PARD3: variants seen among roughly 807,000 people sequenced by gnomAD.
PARD3 encodes par-3 family cell polarity regulator, also known as partitioning defective 3 homolog.
Under a neutral mutation model 155.4 loss-of-function variants are expected in PARD3, and 75 were observed. The ratio of observed to expected loss-of-function variants is 0.48; its 90% CI spans 0.40 to 0.58. The LOEUF is 0.58. Among genes scored for constraint, PARD3 ranks in the 20% least tolerant of loss-of-function variants. The pLI is 0.00. For synonymous variants in PARD3, 576 were observed against 610.5 expected (o/e 0.94, Z 0.83); for missense variants, 1,642 against 1,721.7 (o/e 0.95, Z 0.82).
chr10:34,174,302 G>T (rs1157930501), intron 22 of PARD3, among the ~76,000 whole-genome samples: 1 of 152,166 alleles, frequency 6.6e-6, no homozygotes, highest in South Asian at 2.1e-4. Flanking sequence ...TGAGAAGAGT[G>T]CAAGTGTTTT....
At chr10:34,613,769 C>T (rs2091069050) in intron 2 of PARD3, among the ~76,000 whole-genome samples, 1 of 152,192 alleles carries the variant, frequency 6.6e-6, no homozygotes, top group African/African-American at 2.4e-5. Flanking sequence ...CGGAGATCAG[C>T]TTCCAAGATT....
intron 2 of PARD3, among the ~76,000 whole-genome samples, chr10:34,617,510 T>C (rs1352396005): frequency 6.6e-6 from 1 of 152,112 alleles, no homozygotes; most frequent in East Asian, 1.9e-4. Context: ...AAATGAAAAA[T>C]GTTTGAAGTG....
intron 21 of PARD3, among the ~76,000 whole-genome samples, chr10:34,272,966 C>T (rs1031783681): frequency 2.0e-5 from 3 of 152,112 alleles, no homozygotes; most frequent in African/African-American, 4.8e-5. Context: ...AGTGACAATA[C>T]CAAATGCAGC....
intron 1 of PARD3, among the ~76,000 whole-genome samples, chr10:34,779,364 C>T (rs1252450432): frequency 1.3e-5 from 2 of 151,522 alleles, no homozygotes; most frequent in African/African-American, 4.9e-5. Context: ...AATCCCAGCA[C>T]TTTGGGAGGC....
chr10:34,621,679 C>T (rs1458054497), intron 2 of PARD3, among the ~76,000 whole-genome samples: 1 of 152,210 alleles, frequency 6.6e-6, no homozygotes, highest in East Asian at 1.9e-4. Context: ...ACACACTACA[C>T]TTTCTAAAGG....
At chr10:34,142,321 T>C (rs888639033) in intron 22 of PARD3, among the ~76,000 whole-genome samples, 5 of 151,850 alleles carry the variant, frequency 3.3e-5, no homozygotes, top group African/African-American at 1.2e-4. Context: ...GATGGGAGCA[T>C]CGCTTTAGCT....
At chr10:34,273,289 C>T (rs1564538081) in intron 21 of PARD3, among the ~76,000 whole-genome samples, 2 of 152,078 alleles carry the variant, frequency 1.3e-5, no homozygotes, top group African/African-American at 4.8e-5. Flanking sequence ...GTGTCCATAT[C>T]ACAGAACATT....
intron 5 of PARD3, among the ~76,000 whole-genome samples, chr10:34,402,610 C>CTT (rs1844013175): frequency 6.6e-6 from 1 of 152,124 alleles, no homozygotes; most frequent in Non-Finnish European, 1.5e-5. Context: ...AAAGGACAAG[C>CTT]TAAAGTAACA....
At chr10:34,545,496 C>CA (rs1424307701) in intron 2 of PARD3, among the ~76,000 whole-genome samples, 1 of 151,812 alleles carries the variant, frequency 6.6e-6, no homozygotes, top group Non-Finnish European at 1.5e-5. Context: ...AACTGCCTTA[C>CA]AAAAAAATCA....
chr10:34,690,015 C>G (rs1405181185), intron 2 of PARD3, among the ~76,000 whole-genome samples: 1 of 152,158 alleles, frequency 6.6e-6, no homozygotes, highest in Non-Finnish European at 1.5e-5. Flanking sequence ...GCGATCTCAG[C>G]TCACTGCAAC....
intron 21 of PARD3, among the ~76,000 whole-genome samples, chr10:34,281,516 C>G (rs1020524411): frequency 6.6e-6 from 1 of 152,096 alleles, no homozygotes; most frequent in African/African-American, 2.4e-5. Context: ...AGTGATCTTC[C>G]TAGTCCATTT....
chr10:34,151,381 G>GA (rs1168411222), intron 22 of PARD3, among the ~76,000 whole-genome samples: 5 of 152,082 alleles, frequency 3.3e-5, no homozygotes, highest in Admixed American at 1.3e-4. Context: ...TCGATGTTTG[G>GA]AAAATCAAGA....
intron 1 of PARD3, among the ~76,000 whole-genome samples, chr10:34,773,476 A>T (rs4600153): frequency 0.62 from 94,222 of 152,014 alleles, 30,445 homozygotes; most frequent in Non-Finnish European, 0.72. Context: ...TAGGGATAAC[A>T]AGTATTACAG....
At chr10:34,283,950 A>G (rs1956268611) in intron 21 of PARD3, among the ~76,000 whole-genome samples, 185 bp downstream of exon 21, 1 of 151,492 alleles carries the variant, frequency 6.6e-6, no homozygotes. Context: ...ACAAATACAT[A>G]TAAGGTTTTT....
At chr10:34,276,708 A>C (rs1259691845) in intron 21 of PARD3, among the ~76,000 whole-genome samples, 1 of 152,122 alleles carries the variant, frequency 6.6e-6, no homozygotes, top group African/African-American at 2.4e-5. Flanking sequence ...GGTGTCCTTA[A>C]ACCTCTCAGT....
In PARD3 at chr10:34,211,318, C is replaced by T. The variant is rs530292206; in HGVS notation, c.3419+58339G>A. ...AGCCCTGGTAGGCCCTTGCCTCTGC[C>T]AAGTCACCTCCTACAAAGTGTGTGT... On this transcript the variant is annotated intron_variant, in intron 22 of 24. Transcript: ENST00000374788. Among the ~76,000 whole-genome samples, 9 of 152,306 alleles carry T rather than the reference C, an allele frequency of 5.9e-5. No homozygotes were observed. The South Asian group carries it at 1.7e-3, about 28-fold the overall frequency.
At chr10:34,591,472 T>C (rs928886513) in intron 2 of PARD3, among the ~76,000 whole-genome samples, 9 of 152,126 alleles carry the variant, frequency 5.9e-5, no homozygotes, top group African/African-American at 2.2e-4. Context: ...GCTACAGCAG[T>C]GAGCCAGACA....
chr10:34,695,039 C>T (rs529779826), intron 2 of PARD3, among the ~76,000 whole-genome samples: 5 of 144,404 alleles, frequency 3.5e-5, no homozygotes, highest in Admixed American at 7.1e-5. Context: ...TCTGACCTCA[C>T]GATGTAACCT....
intron 2 of PARD3, among the ~76,000 whole-genome samples, chr10:34,587,645 T>A (rs537600417): frequency 6.6e-6 from 1 of 152,240 alleles, no homozygotes; most frequent in South Asian, 2.1e-4. Context: ...GGTGGTGATA[T>A]TCTGTGTTTT....
Sources: allele counts gnomAD v4.1 joint callset (sites outside exome capture counted in the v4.1 genomes callset), GRCh38; gene constraint gnomAD v4.1.1; transcripts MANE v1.5; gene names NCBI Gene and HGNC (gene_info 2026-07-23, HGNC 2026-07-21).